ESRRG: variants seen among roughly 807,000 people sequenced by gnomAD.
ESRRG encodes the protein estrogen related receptor gamma.
ESRRG carries 13 observed loss-of-function variants against 44.0 expected under a neutral mutation model. The observed-to-expected ratio is 0.30, with a 90% CI of 0.19 to 0.47. The LOEUF is 0.47. Among genes scored for constraint, ESRRG ranks in the 20% least tolerant of loss-of-function variants. ESRRG has a pLI of 1.00. For missense variants in ESRRG, 395 were observed against 580.6 expected (o/e 0.68, Z 3.29); for synonymous variants, 215 against 214.6 (o/e 1.00, Z -0.02).
chr1:216,528,259 G>T (rs1354892680), intron 5 of ESRRG, among the ~76,000 whole-genome samples: 1 of 152,148 alleles, frequency 6.6e-6, no homozygotes, highest in Admixed American at 6.5e-5. Context: ...TGCCTATAAA[G>T]TATATAGGAT....
At position 216,568,044 on chromosome 1, in the gene ESRRG, T is replaced by A; in HGVS notation, c.644A>T (p.Asp215Val). 6.2e-7 allele frequency: 1 copy of A among 1,613,928 alleles called. No individual in the cohort carries two copies. Among genetic ancestry groups the A allele is most frequent in the Non-Finnish European group, 8.5e-7 (1 of 1,179,872 alleles). Residue 215 changes from aspartate (D) to valine (V), a missense_variant, in exon 4 of 7, where the codon GAT becomes GTT. Physicochemically the swap from Asp to Val is radical, Grantham distance 152. Around this residue, in one of 5 missense-constraint regions of ESRRG, gnomAD observed 37 missense variants for 32.9 expected, o/e 1.13. Transcript: ENST00000408911. ...GTTCAGGTATGGGCTGTTCTCCGCA[T>A]CTATCCTGCGCTTGTACTTCTGCCG... is the stretch of plus-strand genomic sequence containing the variant. ...GGRQKYKRRI[D>V]AENSPYLNPQ... is the part of the protein sequence containing the mutation.
chr1:216,560,483 T>C (rs140872094), intron 5 of ESRRG, among the ~76,000 whole-genome samples: 7 of 152,320 alleles, frequency 4.6e-5, no homozygotes, highest in African/African-American at 1.7e-4. Flanking sequence ...GTTTAAGCCA[T>C]TTATATAGGT....
At chr1:216,594,263 A>G (rs1236162086) in intron 3 of ESRRG, among the ~76,000 whole-genome samples, 1 of 152,274 alleles carries the variant, frequency 6.6e-6, no homozygotes, top group East Asian at 1.9e-4. Context: ...CACTGGTACA[A>G]AACATGTTCG....
At chr1:216,798,656 A>G (rs753334449) in intron 2 of ESRRG, among the ~76,000 whole-genome samples, 2 of 152,180 alleles carry the variant, frequency 1.3e-5, no homozygotes, top group Non-Finnish European at 2.9e-5. Flanking sequence ...AGGCCTTTGC[A>G]GAAGTCCAGA....
chr1:216,588,791 G>A (rs1393532299), intron 3 of ESRRG, among the ~76,000 whole-genome samples: 1 of 152,092 alleles, frequency 6.6e-6, no homozygotes, highest in East Asian at 1.9e-4. Flanking sequence ...AATAGAAAAA[G>A]AAGGGAAACA....
chr1:216,746,561 G>C (rs189309209), intron 2 of ESRRG, among the ~76,000 whole-genome samples: 71 of 152,256 alleles, frequency 4.7e-4, no homozygotes, highest in African/African-American at 1.6e-3. Context: ...CTTGCCTAAT[G>C]ATAGAATGAT....
chr1:216,781,474 G>C (rs983070979), intron 2 of ESRRG, among the ~76,000 whole-genome samples: 1 of 151,996 alleles, frequency 6.6e-6, no homozygotes, highest in African/African-American at 2.4e-5. Context: ...ATTTACCTGT[G>C]TGAGCATATG....
At chr1:216,966,732 C>T (rs1318701740) in intron 1 of ESRRG, among the ~76,000 whole-genome samples, 1 of 152,144 alleles carries the variant, frequency 6.6e-6, no homozygotes, top group Non-Finnish European at 1.5e-5. Flanking sequence ...CTGAACAAAA[C>T]CAGCCCAAGT....
intron 2 of ESRRG, among the ~76,000 whole-genome samples, chr1:216,735,872 G>A (rs183411464): frequency 2.0e-5 from 3 of 151,380 alleles, no homozygotes; most frequent in African/African-American, 7.3e-5. Context: ...CCAACTACTC[G>A]GGAGGCTGAG....
intron 2 of ESRRG, among the ~76,000 whole-genome samples, chr1:216,929,091 G>A (rs2062968097): frequency 6.6e-6 from 1 of 151,972 alleles, no homozygotes; most frequent in Non-Finnish European, 1.5e-5. Context: ...AATGGCTAAA[G>A]TAGTTAATTT....
chr1:217,085,551 C>A (rs1198349812), intron 1 of ESRRG, among the ~76,000 whole-genome samples: 1 of 125,404 alleles, frequency 8.0e-6, no homozygotes, highest in Non-Finnish European at 1.7e-5. Flanking sequence ...AGTGCAGTGG[C>A]GCCATCTCGG....
intron 1 of ESRRG, among the ~76,000 whole-genome samples, chr1:216,983,268 G>A (rs1275011839): frequency 1.3e-5 from 2 of 151,546 alleles, no homozygotes; most frequent in Non-Finnish European, 2.9e-5. Context: ...GTCTCGCTCT[G>A]TTACCCAGGT....
At chr1:216,755,448 A>C (rs1443425918) in intron 2 of ESRRG, among the ~76,000 whole-genome samples, 1 of 152,080 alleles carries the variant, frequency 6.6e-6, no homozygotes, top group Admixed American at 6.6e-5. Flanking sequence ...CAAAGTGACT[A>C]TATCATATCC....
intron 2 of ESRRG, among the ~76,000 whole-genome samples, chr1:216,895,082 C>G (rs2058262159): frequency 6.6e-6 from 1 of 152,052 alleles, no homozygotes; most frequent in East Asian, 1.9e-4. Context: ...CAGAAATATG[C>G]TTTTTTCTTT....
chr1:216,963,706 G>A (rs1387683495), intron 1 of ESRRG, among the ~76,000 whole-genome samples: 1 of 152,172 alleles, frequency 6.6e-6, no homozygotes, highest in Non-Finnish European at 1.5e-5. Context: ...GGAAAATCAC[G>A]TTGTGCTCTC....
At chr1:216,687,647 C>A (rs926807727) in intron 1 of ESRRG, among the ~76,000 whole-genome samples, 2 of 152,156 alleles carry the variant, frequency 1.3e-5, no homozygotes, top group Admixed American at 1.3e-4. Context: ...CATTTAGCGT[C>A]TCCTACATCT....
At chr1:217,109,661 G>A (rs1377843852) in intron 1 of ESRRG, among the ~76,000 whole-genome samples, 4 of 152,164 alleles carry the variant, frequency 2.6e-5, no homozygotes, top group Non-Finnish European at 5.9e-5. Context: ...GCTAGTGGGA[G>A]GTTGCCTTCA....
At chr1:216,716,041 A>T (rs901612184) in intron 1 of ESRRG, among the ~76,000 whole-genome samples, 2 of 152,004 alleles carry the variant, frequency 1.3e-5, no homozygotes, top group Non-Finnish European at 2.9e-5. Context: ...AAGAAAGCGT[A>T]AGATTTTTTT....
chr1:216,767,072 T>C (rs2093118477), intron 2 of ESRRG, among the ~76,000 whole-genome samples: 1 of 152,232 alleles, frequency 6.6e-6, no homozygotes, highest in Admixed American at 6.5e-5. Flanking sequence ...GCAAGAAAAC[T>C]GAGGTACAGT....
Sources: gnomAD v4.1 joint callset for allele counts (sites outside exome capture counted in the v4.1 genomes callset) on GRCh38, gnomAD v4.1.1 for gene constraint, gnomAD v4.1.1 regional missense constraint, MANE v1.5 for transcripts, NCBI Gene and HGNC (gene_info 2026-07-23, HGNC 2026-07-21) for gene names.